COX11: variants seen among roughly 807,000 people sequenced by gnomAD.
COX11 encodes cytochrome c oxidase assembly protein COX11, mitochondrial.
Under a neutral mutation model 29.4 loss-of-function variants are expected in COX11, and 18 were observed. The ratio of observed to expected loss-of-function variants is 0.61; its 90% CI spans 0.42 to 0.91. COX11 has a LOEUF of 0.91. Ranked by LOEUF, COX11 falls within the 40% of genes least tolerant of loss-of-function variation. The pLI, the probability that COX11 is intolerant of heterozygous loss-of-function variation, is 0.00. For missense variants in COX11, 312 were observed against 346.0 expected (o/e 0.90, Z 0.78); for synonymous variants, 131 against 124.0 (o/e 1.06, Z -0.38).
At position 54,962,075 on chromosome 17, in the gene COX11, G is replaced by T; in HGVS notation, c.*658C>A. On this transcript the variant is annotated 3_prime_UTR_variant, in exon 4 of 4. Coordinates refer to ENST00000299335, the MANE Select transcript of COX11 (RefSeq NM_004375.5). ...ATGGACTTGTAATGGTGATGCTTTG[G>T]CTAACAGCCTAGTAGATGTATTTTA... 2 of 980,164 alleles carry T rather than the reference G, an allele frequency of 2.0e-6. No individual in the cohort carries two copies. The highest frequency in any genetic ancestry group is 2.4e-6 in the Non-Finnish European group (2 of 825,280). The allele number at this position is 980,164 out of a possible 1,614,324, so 60.7% of individuals were successfully genotyped here. A position where few individuals can be genotyped will look rare whatever the true frequency, so the allele number is the denominator to read the frequency against.
intron 1 of COX11, among the ~76,000 whole-genome samples, chr17:54,968,057 T>C (rs941748673): frequency 7.3e-6 from 1 of 136,332 alleles, no homozygotes; most frequent in Admixed American, 8.5e-5. Flanking sequence ...TGCAGCATGG[T>C]ATAAGCACAA....
At position 54,961,810 on chromosome 17, in the gene COX11, G is replaced by A; in HGVS notation, c.*923C>T. ...AACAGGTCACTAGACTCTACATTGG[G>A]CAGCCTTTAAATATGATTCTTTGTA... On this transcript the variant is annotated 3_prime_UTR_variant, in exon 4 of 4. Transcript: ENST00000299335. 5.1e-6 allele frequency: 5 copies of A among 985,432 alleles called. No homozygotes were observed. Among genetic ancestry groups the A allele is most frequent in the Non-Finnish European group, 6.0e-6 (5 of 829,620 alleles). The allele number at this position is 985,432 out of a possible 1,614,324, so 61.0% of individuals were successfully genotyped here. A position where few individuals can be genotyped will look rare whatever the true frequency, so the allele number is the denominator to read the frequency against.
At position 54,968,624 on chromosome 17, in the gene COX11, C is replaced by T. The variant is rs771416813; in HGVS notation, c.23G>A (p.Gly8Glu). Reference sequence around the variant, plus strand: ...GCCACAGAAAGGAACGCACCTCCATCCAGGACGCCAGAGCCCTCCCATAAC... The same window carrying T: ...GCCACAGAAAGGAACGCACCTCCATTCAGGACGCCAGAGCCCTCCCATAAC... MGGLWRP[G>E]WRCVPFCGWR... is the part of the protein sequence containing the mutation. Residue 8 changes from glycine (G) to glutamate (E), a missense_variant, in exon 1 of 4, where the codon GGA (glycine) becomes GAA (glutamate). Gly to Glu is a moderately conservative substitution (Grantham distance 98). Transcript: ENST00000299335. 1 of 1,612,768 alleles carries T rather than the reference C, an allele frequency of 6.2e-7. No individual in the cohort carries two copies. The highest frequency in any genetic ancestry group is 8.5e-7 in the Non-Finnish European group (1 of 1,180,010).
rs2077163723 is a variant in COX11, at chr17:54,963,321, A to G, written c.633T>C (p.Tyr211=). Residue 211 remains tyrosine, a synonymous_variant, in exon 3 of 4, where the codon TAT becomes TAC. Transcript: ENST00000299335. ...TTTGATGTACCTGTATTTTATTGAA[A>G]TACTGTCCAGCTTCAAATGGAACAA... ...YNIVPFEAGQ[Y]FNKIQCFCFE... 3 of 1,611,252 alleles carry G rather than the reference A, an allele frequency of 1.9e-6. No homozygotes were observed. Among genetic ancestry groups the G allele is most frequent in the Non-Finnish European group, 2.5e-6 (3 of 1,178,584 alleles).
exon 1 of COX11, chr17:54,954,253 T>C (rs1598071374): frequency 6.6e-6 from 1 of 152,356 alleles, no homozygotes; most frequent in East Asian, 1.9e-4. Flanking sequence ...TAGGGTTATG[T>C]GTGGAGAATA....
At chr17:54,966,041 C>T (rs1480717107) in intron 1 of COX11, among the ~76,000 whole-genome samples, 1 of 152,304 alleles carries the variant, frequency 6.6e-6, no homozygotes. Flanking sequence ...CATTTGACTG[C>T]CATGCAACAT....
Position 54,962,018 on chromosome 17 carries a change from C to T in COX11, c.*715G>A. The stretch of plus-strand genomic sequence containing the variant: ...AGAAGAACTTTTGATGTCAGTAAAT[C>T]TTCACAATCCCACCTGTACATTTTA... On this transcript the variant is annotated 3_prime_UTR_variant, in exon 4 of 4. Coordinates refer to ENST00000299335, the MANE Select transcript of COX11 (RefSeq NM_004375.5). The T allele has an allele frequency of 1.0e-6, 1 of 984,146 alleles. No individual in the cohort carries two copies. Among genetic ancestry groups the T allele is most frequent in the Non-Finnish European group, 1.2e-6 (1 of 829,138 alleles). 61.0% of individuals were successfully genotyped at this position (984,146 alleles called of 1,614,324 possible).
chr17:54,967,658 C>A (rs1426183084), intron 1 of COX11, among the ~76,000 whole-genome samples: 1 of 121,800 alleles, frequency 8.2e-6, no homozygotes, highest in African/African-American at 3.1e-5. Flanking sequence ...GCACTTTTAA[C>A]AGGTTCCCGG....
downstream of COX11, among the ~76,000 whole-genome samples, chr17:54,956,294 G>A (rs1004334885): frequency 6.6e-6 from 1 of 151,924 alleles, no homozygotes; most frequent in Non-Finnish European, 1.5e-5. Flanking sequence ...ATTGGGGTGT[G>A]CTACCATGCC....
In COX11 at chr17:54,961,858, C is replaced by G. The variant is rs2077132721; in HGVS notation, c.*875G>C. ...GTAATGCTAAATAGCCTTTTTTTCT[C>G]TTTTTACTGCAACTTAATATTTCTA... On this transcript the variant is annotated 3_prime_UTR_variant, in exon 4 of 4. Transcript: ENST00000299335. 2 of 954,342 alleles carry G rather than the reference C, an allele frequency of 2.1e-6. No homozygotes were observed. The highest frequency in any genetic ancestry group is 2.5e-6 in the Non-Finnish European group (2 of 801,840). The allele number at this position is 954,342 out of a possible 1,614,324, so 59.1% of individuals were successfully genotyped here.
exon 1 of COX11, chr17:54,954,983 C>T (rs2049421158): frequency 6.6e-6 from 1 of 152,152 alleles, no homozygotes; most frequent in Admixed American, 6.5e-5. Context: ...ATATCATTTG[C>T]TTTTTGGTCA....
In COX11 at chr17:54,962,552, A is replaced by C. The variant is rs2077148410; in HGVS notation, c.*181T>G. On this transcript the variant is annotated 3_prime_UTR_variant, in exon 4 of 4. Coordinates refer to ENST00000299335, the MANE Select transcript of COX11 (RefSeq NM_004375.5). Reference sequence around the variant, plus strand: ...GTCATATATTCTAGCTAGGCATATGAGTTTCTTATGATAAAAGCTGAACTT... The same window carrying C: ...GTCATATATTCTAGCTAGGCATATGCGTTTCTTATGATAAAAGCTGAACTT... 1 of 1,321,790 alleles carries C rather than the reference A, an allele frequency of 7.6e-7. No homozygotes were observed. The highest frequency in any genetic ancestry group is 1.5e-5 in the African/African-American group (1 of 66,192). The allele number at this position is 1,321,790 out of a possible 1,614,324, so 81.9% of individuals were successfully genotyped here.
chr17:54,961,178 G>T lies in COX11; in HGVS notation c.*1555C>A. The T allele has an allele frequency of 8.6e-7, 1 of 1,166,508 alleles. No homozygotes were observed. The highest frequency in any genetic ancestry group is 1.3e-6 in the Non-Finnish European group (1 of 797,410). 72.3% of individuals were successfully genotyped at this position (1,166,508 alleles called of 1,614,324 possible). Reference sequence around the variant, plus strand: ...CAGTAAAGACAAGAGAGTTATCAAGGAATGGGGAAAGAGAAGGACAGGATG... The same window carrying T: ...CAGTAAAGACAAGAGAGTTATCAAGTAATGGGGAAAGAGAAGGACAGGATG... On this transcript the variant is annotated 3_prime_UTR_variant, in exon 4 of 4. Coordinates refer to ENST00000299335, the MANE Select transcript of COX11 (RefSeq NM_004375.5).
In COX11 at chr17:54,961,007, C is replaced by T. The variant is rs1270593511; in HGVS notation, c.*1726G>A. 3 of 560,696 alleles carry T rather than the reference C, an allele frequency of 5.4e-6. No individual in the cohort carries two copies. Among genetic ancestry groups the T allele is most frequent in the Non-Finnish European group, 9.4e-6 (3 of 317,802 alleles). The allele number at this position is 560,696 out of a possible 1,614,324, so 34.7% of individuals were successfully genotyped here. On this transcript the variant is annotated 3_prime_UTR_variant, in exon 4 of 4. Transcript: ENST00000299335. ...TCCTCCAAATAGGTCTGAATTTTTCCTATTTTCAGCACTACTAATCCCATG... is the reference window on the plus strand; with the variant it reads ...TCCTCCAAATAGGTCTGAATTTTTCTTATTTTCAGCACTACTAATCCCATG...
chr17:54,962,930 A>C lies in COX11; in HGVS notation c.649-15T>G. ...AAACAGAAGCACTGGAAATTATAGA[A>C]AGATTTTAATAACATTTCTATTCTC... On this transcript the variant is annotated splice_polypyrimidine_tract_variant and intron_variant, in intron 3 of 3. Coordinates refer to ENST00000299335, the MANE Select transcript of COX11 (RefSeq NM_004375.5). 1.3e-6 allele frequency: 2 copies of C among 1,596,474 alleles called. No homozygotes were observed.
chr17:54,964,843 G>C lies in COX11; in HGVS notation c.376C>G (p.Leu126Val). 1 of 1,612,352 alleles carries C rather than the reference G, an allele frequency of 6.2e-7. No homozygotes were observed. Among genetic ancestry groups the C allele is most frequent in the South Asian group, 1.1e-5 (1 of 90,956 alleles). ...LYRLYCQTTG[L>V]GGSAVAGHAS... ...TGACCTGCAACTGCTGATCCTCCAA[G>C]TCCAGTAGTCTAGAAAAAGATACCA... The change falls in exon 2 of 4, where the codon CTT becomes GTT. Residue 126 changes from leucine to valine, a missense_variant. By Grantham distance (32) the Leu-to-Val change is conservative. Transcript: ENST00000299335.
downstream of COX11, chr17:54,957,514 A>C (rs1361904466): frequency 6.6e-6 from 1 of 152,210 alleles, no homozygotes; most frequent in Non-Finnish European, 1.5e-5. Flanking sequence ...AGTGTCACAG[A>C]TACTGGCGGT....
chr17:54,953,772 G>C lies in COX11; in HGVS notation n.1378C>G, dbSNP rs1390587334. The C allele has an allele frequency of 2.0e-5, 3 of 152,166 alleles. No individual in the cohort carries two copies. In the East Asian group the frequency reaches 5.8e-4, roughly 29 times the overall value. 9.4% of individuals were successfully genotyped at this position (152,166 alleles called of 1,614,324 possible). A position where few individuals can be genotyped will look rare whatever the true frequency, so the allele number is the denominator to read the frequency against. ...CTTTACTATAGACCTTAAAGGAGAT[G>C]TCTACCAGTTGGAAAGGGGGAGTAT... is the stretch of plus-strand genomic sequence containing the variant. On this transcript the variant is annotated non_coding_transcript_exon_variant, in exon 1 of 1. Transcript: ENST00000572088.
exon 1 of COX11, chr17:54,954,518 A>G (rs1281921220): frequency 6.7e-6 from 1 of 149,528 alleles, no homozygotes; most frequent in Non-Finnish European, 1.5e-5. Flanking sequence ...CTGGCTCTGC[A>G]GAGTTTGGAG....
Sources: gnomAD v4.1 joint callset for allele counts (sites outside exome capture counted in the v4.1 genomes callset) on GRCh38, gnomAD v4.1.1 for gene constraint, MANE v1.5 for transcripts, NCBI Gene and HGNC (gene_info 2026-07-23, HGNC 2026-07-21) for gene names.